The following KCNN2 variants were observed in gnomAD, a reference collection of about 807,000 sequenced individuals.
KCNN2 encodes the protein potassium calcium-activated channel subfamily N member 2.
In KCNN2, 24 loss-of-function variants were observed where a neutral mutation model predicts 55.5. The observed-to-expected ratio is 0.43, with a 90% CI of 0.31 to 0.61. KCNN2 has a LOEUF of 0.61. KCNN2 is among the 20% of genes least tolerant of loss of function. The pLI, the probability that KCNN2 is intolerant of heterozygous loss-of-function variation, is 0.08. For synonymous variants in KCNN2, 431 were observed against 336.1 expected (o/e 1.28, Z -3.09); for missense variants, 754 against 853.6 (o/e 0.88, Z 1.45).
intron 2 of KCNN2, among the ~76,000 whole-genome samples, chr5:114,237,601 A>C (rs568032812): frequency 6.6e-6 from 1 of 150,802 alleles, no homozygotes; most frequent in South Asian, 2.1e-4. Context: ...TTATCTCTAA[A>C]TTTTTTTTTT....
At chr5:114,253,726 G>A (rs1318468260) in intron 2 of KCNN2, 2 of 152,280 alleles carry the variant, frequency 1.3e-5, no homozygotes, top group East Asian at 3.9e-4. Context: ...GCTCTCAAGG[G>A]CAGGAGGAGA....
chr5:114,363,832 A>T, intron 1 of KCNN2, 74 bp from the exon 2 acceptor site: 1 of 1,038,816 alleles, frequency 9.6e-7, no homozygotes, highest in Non-Finnish European at 1.5e-6. Context: ...TGGGGGACTG[A>T]CTGACTCTGG....
intron 1 of KCNN2, among the ~76,000 whole-genome samples, chr5:114,061,448 A>G (rs1027224935): frequency 3.3e-5 from 5 of 152,232 alleles, no homozygotes; most frequent in African/African-American, 4.8e-5. Context: ...CACCCATTTT[A>G]TAAATGAAAT....
chr5:114,156,605 G>C (rs186111256), intron 1 of KCNN2, among the ~76,000 whole-genome samples: 3 of 152,188 alleles, frequency 2.0e-5, no homozygotes, highest in African/African-American at 7.2e-5. Flanking sequence ...CACCACCCTA[G>C]TTAGCTGTAT....
intron 4 of KCNN2, among the ~76,000 whole-genome samples, chr5:114,469,618 G>C (rs1325210561): frequency 6.6e-6 from 1 of 152,122 alleles, no homozygotes; most frequent in Non-Finnish European, 1.5e-5. Context: ...ACAAGCTTTG[G>C]AGAAAATGTT....
At chr5:114,136,212 G>T (rs971291768) in intron 1 of KCNN2, among the ~76,000 whole-genome samples, 8 of 152,158 alleles carry the variant, frequency 5.3e-5, no homozygotes, top group Non-Finnish European at 1.2e-4. Context: ...AGGCCATGAG[G>T]GCTCTGCCAT....
chr5:114,101,544 C>T (rs755157216), intron 1 of KCNN2, among the ~76,000 whole-genome samples: 4 of 151,336 alleles, frequency 2.6e-5, no homozygotes, highest in African/African-American at 7.3e-5. Context: ...ATCAACCTGT[C>T]GTCTGCAATT....
chr5:114,388,133 T>A (rs1345669408), intron 2 of KCNN2, among the ~76,000 whole-genome samples: 37 of 152,218 alleles, frequency 2.4e-4, no homozygotes, highest in Non-Finnish European at 7.3e-5. Context: ...CTCAACATAA[T>A]GTTTTGGATG....
intron 5 of KCNN2, among the ~76,000 whole-genome samples, chr5:114,477,439 G>A (rs1762021813): frequency 6.6e-6 from 1 of 152,034 alleles, no homozygotes; most frequent in Non-Finnish European, 1.5e-5. Flanking sequence ...ACTATTTATT[G>A]TACATCAGCA....
intron 1 of KCNN2, among the ~76,000 whole-genome samples, chr5:114,175,059 T>C (rs1753108249): frequency 6.6e-6 from 1 of 152,210 alleles, no homozygotes; most frequent in African/African-American, 2.4e-5. Context: ...CTGTTTTCTT[T>C]TTATTCTCAG....
At chr5:114,103,070 C>T (rs1264297919) in intron 1 of KCNN2, among the ~76,000 whole-genome samples, 1 of 152,162 alleles carries the variant, frequency 6.6e-6, no homozygotes, top group Non-Finnish European at 1.5e-5. Flanking sequence ...TATCCATGAG[C>T]ATGGAATATT....
chr5:114,066,295 G>A (rs553137744), intron 1 of KCNN2, among the ~76,000 whole-genome samples: 1 of 152,208 alleles, frequency 6.6e-6, no homozygotes, highest in East Asian at 1.9e-4. Context: ...GGCACATTTT[G>A]CTCTTGTGGC....
At chr5:114,171,503 C>G (rs1445264221) in intron 1 of KCNN2, among the ~76,000 whole-genome samples, 3 of 151,892 alleles carry the variant, frequency 2.0e-5, no homozygotes, top group Non-Finnish European at 4.4e-5. Flanking sequence ...CTCCATTTCT[C>G]CTTCACCTCT....
chr5:114,412,122 G>A (rs532975811), intron 3 of KCNN2, among the ~76,000 whole-genome samples: 1 of 152,232 alleles, frequency 6.6e-6, no homozygotes, highest in East Asian at 1.9e-4. Flanking sequence ...AATTTATAGA[G>A]GATATGAGAT....
intron 2 of KCNN2, among the ~76,000 whole-genome samples, chr5:114,231,719 A>C (rs1441161729): frequency 6.6e-6 from 1 of 151,170 alleles, no homozygotes. Context: ...AATTAAGGGA[A>C]AATTTAGGCT....
intron 1 of KCNN2, among the ~76,000 whole-genome samples, chr5:114,113,154 C>G (rs1319486567): frequency 1.3e-5 from 2 of 151,952 alleles, no homozygotes; most frequent in African/African-American, 4.8e-5. Context: ...ACCATTTTAT[C>G]TCTCTTATTT....
intron 3 of KCNN2, among the ~76,000 whole-genome samples, chr5:114,424,063 G>T (rs1044191151): frequency 1.3e-5 from 2 of 152,168 alleles, no homozygotes; most frequent in Non-Finnish European, 2.9e-5. Flanking sequence ...CCATAGGTAT[G>T]TTCCCAAATT....
At chr5:114,434,045 T>C (rs1759909613) in intron 3 of KCNN2, 1 of 152,224 alleles carries the variant, frequency 6.6e-6, no homozygotes, top group Admixed American at 6.5e-5. Context: ...TTTTTCTTTA[T>C]TTTCTGTTCA....
At chr5:114,285,745 G>A (rs964439927) in intron 2 of KCNN2, among the ~76,000 whole-genome samples, 2 of 152,140 alleles carry the variant, frequency 1.3e-5, no homozygotes, top group Admixed American at 1.3e-4. Context: ...AACTGCTACT[G>A]TAGAGTTGAA....
Sources: allele counts gnomAD v4.1 joint callset (sites outside exome capture counted in the v4.1 genomes callset), GRCh38; gene constraint gnomAD v4.1.1; transcripts MANE v1.5; gene names NCBI Gene and HGNC (gene_info 2026-07-23, HGNC 2026-07-21).